The following PCGF3 variants were observed in gnomAD, a reference collection of about 807,000 sequenced individuals.
PCGF3 encodes the protein polycomb group ring finger 3.
Under a neutral mutation model 33.1 loss-of-function variants are expected in PCGF3, and 7 were observed. The ratio of observed to expected loss-of-function variants is 0.21; its 90% CI spans 0.12 to 0.40. PCGF3 has a LOEUF of 0.40. Ranked by LOEUF, PCGF3 falls within the 10% of genes least tolerant of loss-of-function variation. The pLI is 1.00. For synonymous variants in PCGF3, 153 were observed against 121.3 expected, an observed-to-expected ratio of 1.26 and a Z score of -1.72; for missense variants, 211 against 313.3, an observed-to-expected ratio of 0.67 and a Z score of 2.46.
intron 8 of PCGF3, among the ~76,000 whole-genome samples, chr4:760,743 G>A (rs1020817016): frequency 2.6e-5 from 4 of 152,182 alleles, no homozygotes; most frequent in South Asian, 4.1e-4. Context: ...TTTTCGCACC[G>A]GGCAGGGAGC....
intron 8 of PCGF3, among the ~76,000 whole-genome samples, chr4:757,979 C>T (rs1345228864): frequency 1.3e-5 from 2 of 151,908 alleles, no homozygotes; most frequent in African/African-American, 4.8e-5. Flanking sequence ...CCATTCTGGC[C>T]AACTTGGTGA....
At chr4:735,081 C>A in intron 5 of PCGF3, 54 bp downstream of exon 5, 1 of 1,567,636 alleles carries the variant, frequency 6.4e-7, no homozygotes, top group Admixed American at 1.8e-5. Flanking sequence ...CCCTGGGCGT[C>A]TCTGTGTGTG....
Position 743,824 on chromosome 4 carries a change from G to C in PCGF3, c.373+240G>C, listed in dbSNP as rs756170816. ...GCAGGAGGGCCCCCCGAGAGTGTCT[G>C]GGGGGCAGAGGTCAGGGTTCAGAAG... is the stretch of plus-strand genomic sequence containing the variant. On this transcript the variant is annotated intron_variant, in intron 7 of 10. Coordinates refer to ENST00000362003, the Ensembl canonical transcript of PCGF3. The C allele has an allele frequency of 1.2e-5, 5 of 415,248 alleles. No homozygotes were observed. The East Asian group carries it at 1.7e-4, about 14-fold the overall frequency. The allele number at this position is 415,248 out of a possible 1,614,324, so 25.7% of individuals were successfully genotyped here.
exon 11 of PCGF3, chr4:767,804 A>G (rs1396660529): frequency 1.3e-5 from 2 of 152,658 alleles, no homozygotes; most frequent in African/African-American, 2.4e-5. Flanking sequence ...ATCATTTTCT[A>G]GAGTCACTGT....
chr4:724,357 C>G (rs760815495), intron 1 of PCGF3, among the ~76,000 whole-genome samples: 1 of 152,202 alleles, frequency 6.6e-6, no homozygotes, highest in Admixed American at 6.5e-5. Flanking sequence ...CCACCACAGC[C>G]GGCCGCACAG....
intron 9 of PCGF3, chr4:761,658 A>G (rs1035323412): frequency 1.0e-6 from 1 of 985,030 alleles, no homozygotes; most frequent in Non-Finnish European, 1.2e-6. Flanking sequence ...TAGGGCGGGG[A>G]TGATGAGACT....
At chr4:710,992 G>A (rs997757928) in intron 1 of PCGF3, among the ~76,000 whole-genome samples, 2 of 152,376 alleles carry the variant, frequency 1.3e-5, no homozygotes, top group African/African-American at 2.4e-5. Context: ...TAAAAATGCC[G>A]TAGGAGACGT....
intron 9 of PCGF3, 150 bp downstream of exon 9, chr4:761,566 G>A (rs1347029920): frequency 7.3e-7 from 1 of 1,366,880 alleles, no homozygotes; most frequent in Non-Finnish European, 9.7e-7. Flanking sequence ...TCACCGGGGA[G>A]CGGGATAGGA....
intron 8 of PCGF3, among the ~76,000 whole-genome samples, chr4:751,611 A>G (rs1744515699): frequency 1.3e-5 from 2 of 151,512 alleles, no homozygotes; most frequent in South Asian, 4.2e-4. Flanking sequence ...TTTTAATACT[A>G]AGCATTAAAA....
In PCGF3 at chr4:720,571, G is replaced by A. The variant is rs1219315719; in HGVS notation, c.-189-10059G>A. 1.3e-5 allele frequency among the ~76,000 whole-genome samples: 2 copies of A among 152,136 alleles called. No individual in the cohort carries two copies. Among genetic ancestry groups the A allele is most frequent in the African/African-American group, 4.8e-5 (2 of 41,426 alleles). On this transcript the variant is annotated intron_variant, in intron 1 of 10. Transcript: ENST00000362003. The surrounding 1 kb of genome is among the most constrained non-coding windows in gnomAD (Gnocchi z 5.6). ...TGTGGACGCAGCCCCGACGTGAACA[G>A]GACCCCACGTGGACGGGCAGTGACG...
chr4:733,894 A>C, intron 4 of PCGF3, 105 bp downstream of exon 4: 3 of 1,592,300 alleles, frequency 1.9e-6, no homozygotes, highest in East Asian at 4.6e-5. Context: ...CTCAAGCCCG[A>C]CAAAAGCAGG....
At chr4:758,689 C>T (rs1744905804) in intron 8 of PCGF3, among the ~76,000 whole-genome samples, 9 of 76,008 alleles carry the variant, frequency 1.2e-4, no homozygotes, top group Admixed American at 2.4e-4. Context: ...CGCGCGGCCC[C>T]TCTCCCGAGT....
In PCGF3 at chr4:719,420, C is replaced by G. The variant is rs1237910961; in HGVS notation, c.-189-11210C>G. Reference sequence around the variant, plus strand: ...TTGATGAGAACCCTCGGTGCCTGGACTGTCTTCTCACCAGGCGCAGCTCAG... The same window carrying G: ...TTGATGAGAACCCTCGGTGCCTGGAGTGTCTTCTCACCAGGCGCAGCTCAG... On this transcript the variant is annotated intron_variant, in intron 1 of 10. Coordinates refer to ENST00000362003, the Ensembl canonical transcript of PCGF3. 2.0e-5 allele frequency among the ~76,000 whole-genome samples: 3 copies of G among 152,240 alleles called. No homozygotes were observed. The East Asian group carries it at 5.8e-4, about 29-fold the overall frequency.
chr4:752,838 G>C (rs1378900594), intron 8 of PCGF3, among the ~76,000 whole-genome samples: 1 of 152,252 alleles, frequency 6.6e-6, no homozygotes, highest in Non-Finnish European at 1.5e-5. Flanking sequence ...GCCCCTGTCA[G>C]ATCCAAACAC....
chr4:733,812 C>T, intron 4 of PCGF3, 23 bp downstream of exon 4: 1 of 1,613,724 alleles, frequency 6.2e-7, no homozygotes, highest in Non-Finnish European at 8.5e-7. Context: ...CCCGCGCCAC[C>T]CAGGGAGGGC....
chr4:749,476 C>CTTTTTTTTTTTT lies in PCGF3; in HGVS notation c.462+4801_462+4812dup, dbSNP rs71640348. Reference sequence around the variant, plus strand: ...ACCATGCCCTGCTGAATTTTCTTTCCTTTTTTTTTTTTTTTTTTTTTTTTG... The same window carrying CTTTTTTTTTTTT: ...ACCATGCCCTGCTGAATTTTCTTTCCTTTTTTTTTTTTTTTTTTTTTTTTTTTTTTTTTTTTG... On this transcript the variant is annotated intron_variant, in intron 8 of 10. Transcript: ENST00000362003. Among the ~76,000 whole-genome samples the CTTTTTTTTTTTT allele has an allele frequency of 3.2e-4, 24 of 75,482 alleles. 1 individual carries two copies. Among genetic ancestry groups the CTTTTTTTTTTTT allele is most frequent in the South Asian group, 1.6e-3 (3 of 1,916 alleles). 49.5% of individuals were successfully genotyped at this position (75,482 alleles called of 152,430 possible).
In PCGF3 at chr4:762,946, TG is replaced by T. The variant is rs745905005; in HGVS notation, c.600+1536del. 7 of 150,218 alleles carry T rather than the reference TG, an allele frequency of 4.7e-5. No homozygotes were observed. In the East Asian group the frequency reaches 7.9e-4, roughly 17 times the overall value. 9.3% of individuals were successfully genotyped at this position (150,218 alleles called of 1,614,324 possible). A position where few individuals can be genotyped will look rare whatever the true frequency, so the allele number is the denominator to read the frequency against. On this transcript the variant is annotated intron_variant, in intron 9 of 10. Coordinates refer to ENST00000362003, the Ensembl canonical transcript of PCGF3. ...AGGCCTGGGGCTGCTCGGTTTGGGG[TG>T]GGGGGTGGTGTCTCGGGACAGGCTG...
intron 1 of PCGF3, among the ~76,000 whole-genome samples, chr4:723,350 G>C (rs749678576): frequency 6.6e-6 from 1 of 152,244 alleles, no homozygotes; most frequent in Non-Finnish European, 1.5e-5. Context: ...GGAGGGGCTG[G>C]CCCTGGGTGT....
At chr4:725,498 G>T (rs9328756) in intron 1 of PCGF3, among the ~76,000 whole-genome samples, 42,364 of 123,218 alleles carry the variant, frequency 0.34, 9,982 homozygotes, top group African/African-American at 0.6. Context: ...GAGGGAGTAG[G>T]AACGGGCTCT....
Sources: allele counts gnomAD v4.1 joint callset (sites outside exome capture counted in the v4.1 genomes callset), GRCh38; gene constraint gnomAD v4.1.1; non-coding constraint Gnocchi (gnomAD v3.1); transcripts MANE v1.5; gene names NCBI Gene and HGNC (gene_info 2026-07-23, HGNC 2026-07-21).